ZDHHC14: variants seen among roughly 807,000 people sequenced by gnomAD.
ZDHHC14 encodes zDHHC palmitoyltransferase 14, also known as palmitoyltransferase ZDHHC14.
A neutral mutation model predicts 47.7 loss-of-function variants in ZDHHC14; 16 were observed. That is an observed-to-expected ratio of 0.34 (90% CI 0.23 to 0.51). The LOEUF (loss-of-function observed/expected upper bound fraction) is 0.51. Ranked by LOEUF, ZDHHC14 falls within the 20% of genes least tolerant of loss-of-function variation. The pLI is 0.97. For synonymous variants in ZDHHC14, 293 were observed against 278.9 expected (o/e 1.05, Z -0.50); for missense variants, 515 against 662.5 (o/e 0.78, Z 2.44).
chr6:157,493,656 G>T (rs774071298), intron 1 of ZDHHC14, among the ~76,000 whole-genome samples: 6 of 152,270 alleles, frequency 3.9e-5, no homozygotes, highest in Non-Finnish European at 7.3e-5. Context: ...TGCTGTGTGG[G>T]CACAGCCCTG....
At chr6:157,480,736 G>A (rs1276490766) in intron 1 of ZDHHC14, among the ~76,000 whole-genome samples, 1 of 152,186 alleles carries the variant, frequency 6.6e-6, no homozygotes, top group East Asian at 1.9e-4. Context: ...TCACCATGAT[G>A]GACATTGGTT....
intron 1 of ZDHHC14, among the ~76,000 whole-genome samples, chr6:157,522,554 T>C (rs1340732735): frequency 6.6e-6 from 1 of 151,986 alleles, no homozygotes; most frequent in African/African-American, 2.4e-5. Context: ...AAATACAGGC[T>C]CAGGAAACAG....
chr6:157,474,074 C>T (rs146556969), intron 1 of ZDHHC14, among the ~76,000 whole-genome samples: 2,260 of 151,658 alleles, frequency 0.015, 52 homozygotes, highest in African/African-American at 0.052. Flanking sequence ...CTGCAGCCTC[C>T]ACCTCCCGGG....
intron 1 of ZDHHC14, among the ~76,000 whole-genome samples, chr6:157,532,550 G>A (rs958343399): frequency 2.6e-5 from 4 of 152,190 alleles, no homozygotes; most frequent in African/African-American, 7.2e-5. Flanking sequence ...GAACTGAGGG[G>A]AGTTGGGCCC....
At chr6:157,423,945 CT>C (rs1460083871) in intron 1 of ZDHHC14, among the ~76,000 whole-genome samples, 1 of 152,216 alleles carries the variant, frequency 6.6e-6, no homozygotes, top group Non-Finnish European at 1.5e-5. Context: ...TCCATCAGCG[CT>C]TGTGTAGCTC....
At chr6:157,555,648 C>CT (rs201958758) in intron 2 of ZDHHC14, among the ~76,000 whole-genome samples, 2,095 of 152,146 alleles carry the variant, frequency 0.014, 57 homozygotes, top group African/African-American at 0.047. Context: ...CTGATAGCTT[C>CT]TTTTTTTTAA....
chr6:157,604,673 A>G (rs1441520942), intron 3 of ZDHHC14, among the ~76,000 whole-genome samples: 1 of 152,068 alleles, frequency 6.6e-6, no homozygotes, highest in East Asian at 1.9e-4. Flanking sequence ...CCTCCAAAGT[A>G]GCTGGGACTA....
At chr6:157,552,662 C>T (rs970367814) in intron 2 of ZDHHC14, among the ~76,000 whole-genome samples, 2 of 152,086 alleles carry the variant, frequency 1.3e-5, no homozygotes, top group East Asian at 1.9e-4. Context: ...GCAGGTGCAA[C>T]GGCATGGAAA....
intron 1 of ZDHHC14, among the ~76,000 whole-genome samples, chr6:157,517,751 C>T (rs1247164485): frequency 6.6e-5 from 10 of 152,258 alleles, no homozygotes; most frequent in African/African-American, 1.9e-4. Flanking sequence ...CCTGCCCTGC[C>T]TCGCCCTCAC....
intron 3 of ZDHHC14, among the ~76,000 whole-genome samples, chr6:157,626,202 G>T (rs1385981063): frequency 6.6e-6 from 1 of 152,124 alleles, no homozygotes; most frequent in Non-Finnish European, 1.5e-5. Context: ...TTTCACTTCA[G>T]TTGAGAGGCT....
intron 5 of ZDHHC14, among the ~76,000 whole-genome samples, chr6:157,643,212 G>A (rs1366575675): frequency 6.6e-6 from 1 of 152,188 alleles, no homozygotes; most frequent in Non-Finnish European, 1.5e-5. Context: ...GAGACCTCCT[G>A]AGTCAGCTGG....
At chr6:157,666,432 G>A (rs1225450511) in intron 8 of ZDHHC14, among the ~76,000 whole-genome samples, 1 of 152,038 alleles carries the variant, frequency 6.6e-6, no homozygotes, top group Non-Finnish European at 1.5e-5. Flanking sequence ...AATAACTTAG[G>A]CAAACGTAAA....
intron 2 of ZDHHC14, among the ~76,000 whole-genome samples, chr6:157,574,250 C>T (rs1783213272): frequency 6.6e-6 from 1 of 151,848 alleles, no homozygotes; most frequent in African/African-American, 2.4e-5. Context: ...TGGCAAAATC[C>T]TATCTCTACT....
At chr6:157,539,099 T>C (rs1274410689) in intron 1 of ZDHHC14, among the ~76,000 whole-genome samples, 3 of 152,014 alleles carry the variant, frequency 2.0e-5, no homozygotes, top group Admixed American at 6.6e-5. Context: ...GAGGGGATCA[T>C]GGTAGGCAGG....
intron 3 of ZDHHC14, among the ~76,000 whole-genome samples, chr6:157,617,070 A>G (rs1195987980): frequency 6.6e-6 from 1 of 152,232 alleles, no homozygotes; most frequent in Non-Finnish European, 1.5e-5. Context: ...TCATGGAAAG[A>G]ACCCTCCAGG....
At chr6:157,466,683 C>T (rs1394159045) in intron 1 of ZDHHC14, among the ~76,000 whole-genome samples, 1 of 151,942 alleles carries the variant, frequency 6.6e-6, no homozygotes, top group African/African-American at 2.4e-5. Flanking sequence ...ACTAAAAATA[C>T]AAAAATTAGC....
chr6:157,428,593 G>A (rs1778271698), intron 1 of ZDHHC14, among the ~76,000 whole-genome samples: 1 of 152,148 alleles, frequency 6.6e-6, no homozygotes, highest in Non-Finnish European at 1.5e-5. Context: ...GCACCCGAGA[G>A]AGGCGCATTC....
intron 1 of ZDHHC14, among the ~76,000 whole-genome samples, chr6:157,535,470 C>G (rs1434648070): frequency 6.6e-6 from 1 of 152,158 alleles, no homozygotes. Flanking sequence ...TTTGATGAAA[C>G]TGAACATCAA....
chr6:157,616,323 G>A (rs989477693), intron 3 of ZDHHC14, among the ~76,000 whole-genome samples: 2 of 152,212 alleles, frequency 1.3e-5, no homozygotes, highest in African/African-American at 4.8e-5. Flanking sequence ...AAATAAATGG[G>A]TTCCCCATGG....
Sources: allele counts gnomAD v4.1 joint callset (sites outside exome capture counted in the v4.1 genomes callset), GRCh38; gene constraint gnomAD v4.1.1; transcripts MANE v1.5; gene names NCBI Gene and HGNC (gene_info 2026-07-23, HGNC 2026-07-21).